Variants in CAMK2D observed in about 807,000 individuals in gnomAD.
CAMK2D encodes calcium/calmodulin-dependent protein kinase type II subunit delta.
In CAMK2D, 37 loss-of-function variants were observed where a neutral mutation model predicts 84.0. The observed-to-expected ratio is 0.44, with a 90% CI of 0.34 to 0.58. The LOEUF is 0.58. Ranked by LOEUF, CAMK2D falls within the 20% of genes least tolerant of loss-of-function variation. The probability of loss-of-function intolerance (pLI) is 0.02; values close to 1 mark genes in which losing one functional copy is unlikely to be tolerated. For missense variants in CAMK2D, 448 were observed against 652.5 expected, an observed-to-expected ratio of 0.69 and a Z score of 3.41; for synonymous variants, 202 against 212.5, an observed-to-expected ratio of 0.95 and a Z score of 0.43.
chr4:113,594,313 CT>C (rs996214691), intron 4 of CAMK2D, among the ~76,000 whole-genome samples: 4 of 152,178 alleles, frequency 2.6e-5, no homozygotes, highest in Non-Finnish European at 4.4e-5. Flanking sequence ...AACATGAGAT[CT>C]GGTGGGGACA....
chr4:113,568,339 T>C (rs1416850233), intron 4 of CAMK2D, among the ~76,000 whole-genome samples: 3 of 152,250 alleles, frequency 2.0e-5, no homozygotes, highest in Non-Finnish European at 4.4e-5. Flanking sequence ...TTTGTGCTTT[T>C]GGGTCTAGCT....
chr4:113,494,130 T>C lies in CAMK2D; in HGVS notation c.1135+6333A>G, dbSNP rs1295364376. 9.9e-5 allele frequency among the ~76,000 whole-genome samples: 15 copies of C among 152,238 alleles called. 1 individual carries two copies. On this transcript the variant is annotated intron_variant, in intron 16 of 20. Transcript: ENST00000511664. Reference sequence around the variant, plus strand: ...AGAGTAATTTGATCATCTGAAGCCTTCTCTCAGCTCGTCAAAGTCATTCTC... The same window carrying C: ...AGAGTAATTTGATCATCTGAAGCCTCCTCTCAGCTCGTCAAAGTCATTCTC...
At chr4:113,622,544 C>T (rs567060777) in intron 3 of CAMK2D, among the ~76,000 whole-genome samples, 6 of 152,300 alleles carry the variant, frequency 3.9e-5, no homozygotes, top group African/African-American at 7.2e-5. Context: ...GCAGAAGTAT[C>T]GCTTGAGCCC....
intron 4 of CAMK2D, among the ~76,000 whole-genome samples, chr4:113,573,701 C>T (rs531843980): frequency 6.6e-6 from 1 of 152,344 alleles, no homozygotes; most frequent in East Asian, 1.9e-4. Flanking sequence ...ACACCTTGAA[C>T]TGATGTAAAT....
chr4:113,529,422 C>T (rs2098443453), intron 8 of CAMK2D, among the ~76,000 whole-genome samples: 1 of 152,110 alleles, frequency 6.6e-6, no homozygotes, highest in Non-Finnish European at 1.5e-5. Flanking sequence ...TTTAAATCAA[C>T]TTTTCCAAGC....
rs537021536 is a variant in CAMK2D, at chr4:113,506,332, A to G, written c.985-1297T>C. Among the ~76,000 whole-genome samples the G allele has an allele frequency of 4.6e-5, 7 of 152,258 alleles. No homozygotes were observed. In the South Asian group the frequency reaches 1.5e-3, roughly 32 times the overall value. ...GATTACTGGTATCGTTATTTTTACA[A>G]TAAGTTGTGACACTGTGCTGCTTGA... On this transcript the variant is annotated intron_variant, in intron 13 of 20. Transcript: ENST00000511664.
intron 2 of CAMK2D, among the ~76,000 whole-genome samples, chr4:113,719,536 T>G (rs889811452): frequency 1.3e-5 from 2 of 152,250 alleles, no homozygotes; most frequent in Non-Finnish European, 2.9e-5. Flanking sequence ...AAACTAAATT[T>G]GTTGAAAATT....
At chr4:113,711,288 A>T (rs1292105728) in intron 2 of CAMK2D, among the ~76,000 whole-genome samples, 1 of 151,838 alleles carries the variant, frequency 6.6e-6, no homozygotes, top group African/African-American at 2.4e-5. Context: ...TTCCCAACTT[A>T]TCCTTCACAA....
intron 2 of CAMK2D, among the ~76,000 whole-genome samples, chr4:113,662,190 T>A (rs1048224758): frequency 6.6e-6 from 1 of 152,180 alleles, no homozygotes; most frequent in African/African-American, 2.4e-5. Context: ...TTATATTTTA[T>A]CCCTAATGGA....
intron 4 of CAMK2D, among the ~76,000 whole-genome samples, chr4:113,580,449 G>A (rs1163746565): frequency 1.3e-5 from 2 of 152,136 alleles, no homozygotes; most frequent in Admixed American, 6.5e-5. Context: ...TCAGTAAGAT[G>A]TACCACATTT....
chr4:113,646,604 C>T (rs1030131082), intron 3 of CAMK2D, among the ~76,000 whole-genome samples: 2 of 152,030 alleles, frequency 1.3e-5, no homozygotes, highest in African/African-American at 2.4e-5. Context: ...CAGGCAAAGG[C>T]CCAGCAGGAG....
At chr4:113,534,491 A>T (rs1351886945) in intron 7 of CAMK2D, among the ~76,000 whole-genome samples, 1 of 152,226 alleles carries the variant, frequency 6.6e-6, no homozygotes, top group Non-Finnish European at 1.5e-5. Flanking sequence ...AATTGCTGAT[A>T]GCACCATGCT....
intron 2 of CAMK2D, among the ~76,000 whole-genome samples, chr4:113,666,724 C>T (rs1344645476): frequency 1.3e-5 from 2 of 152,088 alleles, no homozygotes; most frequent in Non-Finnish European, 2.9e-5. Context: ...AATCCCACTC[C>T]CAAAATAATC....
At chr4:113,595,105 A>G (rs1020247340) in intron 4 of CAMK2D, among the ~76,000 whole-genome samples, 1 of 152,146 alleles carries the variant, frequency 6.6e-6, no homozygotes, top group African/African-American at 2.4e-5. Flanking sequence ...GGCAAGAAGA[A>G]GAGTGTGGAA....
intron 8 of CAMK2D, among the ~76,000 whole-genome samples, chr4:113,523,238 A>G (rs56087422): frequency 0.22 from 33,383 of 152,130 alleles, 3,815 homozygotes; most frequent in Non-Finnish European, 0.26. Flanking sequence ...ACCTGTTTGC[A>G]ACCTCTGACA....
intron 10 of CAMK2D, among the ~76,000 whole-genome samples, chr4:113,514,465 C>A (rs2098259919): frequency 1.3e-5 from 2 of 152,096 alleles, no homozygotes; most frequent in South Asian, 2.1e-4. Flanking sequence ...TTAATAATTT[C>A]TCAAATTATC....
At chr4:113,606,374 G>A (rs2098977212) in intron 4 of CAMK2D, among the ~76,000 whole-genome samples, 1 of 152,088 alleles carries the variant, frequency 6.6e-6, no homozygotes, top group African/African-American at 2.4e-5. Context: ...GGAGGCTGAT[G>A]CAGGAGAATC....
intron 3 of CAMK2D, among the ~76,000 whole-genome samples, chr4:113,613,497 AC>A (rs2099009124): frequency 6.6e-6 from 1 of 152,184 alleles, no homozygotes; most frequent in African/African-American, 2.4e-5. Context: ...AAAAGTAGTA[AC>A]AAGTACGTAA....
intron 14 of CAMK2D, among the ~76,000 whole-genome samples, chr4:113,504,022 G>GT (rs796316337): frequency 4.6e-5 from 7 of 152,016 alleles, no homozygotes; most frequent in African/African-American, 1.2e-4. Flanking sequence ...GATCAACATT[G>GT]TTTTTTACTA....
Sources: gnomAD v4.1 joint callset for allele counts (sites outside exome capture counted in the v4.1 genomes callset) on GRCh38, gnomAD v4.1.1 for gene constraint, MANE v1.5 for transcripts, NCBI Gene and HGNC (gene_info 2026-07-23, HGNC 2026-07-21) for gene names.